The following CSMD1 variants were observed in gnomAD, a reference collection of about 807,000 sequenced individuals.
CSMD1 encodes CUB and sushi domain-containing protein 1.
A neutral mutation model predicts 417.5 loss-of-function variants in CSMD1; 213 were observed. The observed-to-expected ratio is 0.51, with a 90% CI of 0.46 to 0.57. CSMD1 has a LOEUF of 0.57. Among genes scored for constraint, CSMD1 ranks in the 20% least tolerant of loss-of-function variants. The pLI, the probability that CSMD1 is intolerant of heterozygous loss-of-function variation, is 0.00. For missense variants in CSMD1, 6,923 were observed against 4,529.7 expected, an observed-to-expected ratio of 1.53 and a Z score of -15.17; for synonymous variants, 2,862 against 1,736.8, an observed-to-expected ratio of 1.65 and a Z score of -16.11.
chr8:3,659,462 C>A (rs922794), intron 7 of CSMD1, among the ~76,000 whole-genome samples: 1 of 152,000 alleles, frequency 6.6e-6, no homozygotes, highest in Non-Finnish European at 1.5e-5. Context: ...TTCAAATCTC[C>A]GAAACACAGA....
chr8:4,063,867 G>C (rs908859659), intron 3 of CSMD1, among the ~76,000 whole-genome samples: 1 of 152,166 alleles, frequency 6.6e-6, no homozygotes, highest in Non-Finnish European at 1.5e-5. Flanking sequence ...TGTCACATCA[G>C]CATTTTACAC....
chr8:3,805,855 G>T (rs988618147), intron 5 of CSMD1, among the ~76,000 whole-genome samples: 1 of 152,044 alleles, frequency 6.6e-6, no homozygotes, highest in Non-Finnish European at 1.5e-5. Context: ...AAAATTTCAT[G>T]CCTCAGTTTC....
At chr8:3,106,826 C>T in intron 45 of CSMD1, 185 bp from the exon 46 acceptor site, 1 of 479,950 alleles carries the variant, frequency 2.1e-6, no homozygotes, top group Non-Finnish European at 3.7e-6. Flanking sequence ...TATAAAAATG[C>T]TCTATTAAGC....
chr8:4,426,958 G>T (rs552952787), intron 2 of CSMD1, among the ~76,000 whole-genome samples: 215 of 152,056 alleles, frequency 1.4e-3, no homozygotes, highest in African/African-American at 5.1e-3. Flanking sequence ...TCGGTCACTG[G>T]ATAAGACTGG....
chr8:4,133,709 G>A (rs1346828929), intron 3 of CSMD1, among the ~76,000 whole-genome samples: 1 of 7,540 alleles, frequency 1.3e-4, no homozygotes, highest in Non-Finnish European at 5.2e-3. Context: ...TACATAAAGT[G>A]TAATCTCAAG....
intron 7 of CSMD1, among the ~76,000 whole-genome samples, chr8:3,655,927 G>C (rs1452810528): frequency 1.3e-5 from 2 of 152,134 alleles, no homozygotes; most frequent in South Asian, 2.1e-4. Flanking sequence ...ATGAAGAGCA[G>C]GACTGGAGCC....
At chr8:4,498,889 T>A (rs765361463) in intron 2 of CSMD1, among the ~76,000 whole-genome samples, 2 of 152,064 alleles carry the variant, frequency 1.3e-5, no homozygotes, top group Non-Finnish European at 2.9e-5. Context: ...ATAATAGCAA[T>A]GAAGATGAAA....
intron 3 of CSMD1, among the ~76,000 whole-genome samples, chr8:4,150,265 C>T (rs928269039): frequency 6.6e-6 from 1 of 152,184 alleles, no homozygotes; most frequent in Non-Finnish European, 1.5e-5. Context: ...CCTGCATTCC[C>T]TTTCCCCAGA....
At chr8:3,868,718 G>A (rs930835576) in intron 5 of CSMD1, among the ~76,000 whole-genome samples, 3 of 152,082 alleles carry the variant, frequency 2.0e-5, no homozygotes, top group East Asian at 3.9e-4. Flanking sequence ...AGCCTTGGGG[G>A]CACTCCTGAC....
At chr8:4,932,102 A>G (rs138299076) in intron 1 of CSMD1, among the ~76,000 whole-genome samples, 128 of 152,332 alleles carry the variant, frequency 8.4e-4, no homozygotes, top group African/African-American at 2.9e-3. Flanking sequence ...AGCAATTTTC[A>G]TTTGGAATCT....
intron 1 of CSMD1, among the ~76,000 whole-genome samples, chr8:4,722,194 G>T (rs954798933): frequency 8.6e-5 from 13 of 151,950 alleles, no homozygotes; most frequent in African/African-American, 3.1e-4. Context: ...GACTATGGGA[G>T]GTGATTAAAT....
At chr8:3,256,995 A>T (rs939140455) in intron 26 of CSMD1, among the ~76,000 whole-genome samples, 5 of 152,228 alleles carry the variant, frequency 3.3e-5, no homozygotes, top group Admixed American at 1.3e-4. Context: ...GAGAATTTTC[A>T]TTACTATTCA....
intron 7 of CSMD1, among the ~76,000 whole-genome samples, chr8:3,646,459 C>T (rs1033745507): frequency 6.6e-6 from 1 of 152,090 alleles, no homozygotes; most frequent in South Asian, 2.1e-4. Context: ...AAGGGAAAAT[C>T]GCACCTATTA....
At chr8:3,359,424 A>T in intron 20 of CSMD1, 84 bp from the exon 21 acceptor site, 1 of 810,604 alleles carries the variant, frequency 1.2e-6, no homozygotes, top group South Asian at 2.4e-5. Context: ...AAGTGCTATT[A>T]CTAAAAAAAA....
chr8:4,208,726 A>G (rs530693090), intron 3 of CSMD1, among the ~76,000 whole-genome samples: 6 of 152,226 alleles, frequency 3.9e-5, no homozygotes, highest in Non-Finnish European at 8.8e-5. Context: ...TAAGGCAATA[A>G]AAAGCATGGA....
At position 3,204,068 on chromosome 8, in the gene CSMD1, G is replaced by A. The variant is rs541894785; in HGVS notation, c.4984+1436C>T. 2.0e-5 allele frequency among the ~76,000 whole-genome samples: 3 copies of A among 152,296 alleles called. No homozygotes were observed. In the South Asian group the frequency reaches 6.2e-4, roughly 32 times the overall value. ...TATCAGGAAAGAGTAACGAATGGGG[G>A]AAGAAAGTAAAAGATGAGACAGAAT... On this transcript the variant is annotated intron_variant, in intron 31 of 69. Coordinates refer to ENST00000635120, the MANE Select transcript of CSMD1 (RefSeq NM_033225.6).
chr8:3,892,561 G>T lies in CSMD1; in HGVS notation c.818+105342C>A, dbSNP rs77518114. On this transcript the variant is annotated intron_variant, in intron 5 of 69. Coordinates refer to ENST00000635120, the MANE Select transcript of CSMD1 (RefSeq NM_033225.6). ...ATAATAATAATAATAATAATAATAA[G>T]ATTACTCTAAGTAAAACCAGTTAAA... 2.0e-3 allele frequency among the ~76,000 whole-genome samples: 288 copies of T among 143,922 alleles called. 2 individuals are homozygous for T. The highest frequency in any genetic ancestry group is 2.0e-3 in the African/African-American group (76 of 37,632). The allele number at this position is 143,922 out of a possible 152,430, so 94.4% of individuals were successfully genotyped here.
chr8:3,940,077 A>T (rs1273409667), intron 5 of CSMD1, among the ~76,000 whole-genome samples: 1 of 151,592 alleles, frequency 6.6e-6, no homozygotes, highest in Non-Finnish European at 1.5e-5. Flanking sequence ...TAAAATATAA[A>T]AACTTATAAA....
chr8:3,129,945 C>T (rs140853449), intron 41 of CSMD1, among the ~76,000 whole-genome samples: 4,170 of 151,914 alleles, frequency 0.027, 109 homozygotes, highest in African/African-American at 0.071. Context: ...CGCGCCACTG[C>T]ACTCCAGCCT....
Sources: allele counts gnomAD v4.1 joint callset (sites outside exome capture counted in the v4.1 genomes callset), GRCh38; gene constraint gnomAD v4.1.1; transcripts MANE v1.5; gene names NCBI Gene and HGNC (gene_info 2026-07-23, HGNC 2026-07-21).